Variants in KCNJ6 observed in about 807,000 individuals in gnomAD.
KCNJ6 encodes the protein G protein-activated inward rectifier potassium channel 2.
A neutral mutation model predicts 34.2 loss-of-function variants in KCNJ6; 9 were observed. That is an observed-to-expected ratio of 0.26 (90% confidence interval 0.16 to 0.46). The LOEUF is 0.46. Among genes scored for constraint, KCNJ6 ranks in the 20% least tolerant of loss-of-function variants. The pLI is 1.00. For synonymous variants in KCNJ6, 196 were observed against 207.1 expected, an observed-to-expected ratio of 0.95 and a Z score of 0.46; for missense variants, 236 against 531.3, an observed-to-expected ratio of 0.44 and a Z score of 5.46.
intron 3 of KCNJ6, among the ~76,000 whole-genome samples, chr21:37,705,180 T>G (rs2054713225): frequency 6.6e-6 from 1 of 152,174 alleles, no homozygotes; most frequent in African/African-American, 2.4e-5. Context: ...TGAACTCGAA[T>G]CAATAACCAC....
At chr21:37,642,613 G>GA (rs1189861424) in intron 3 of KCNJ6, among the ~76,000 whole-genome samples, 1 of 151,280 alleles carries the variant, frequency 6.6e-6, no homozygotes, top group African/African-American at 2.4e-5. Context: ...AGATAGGGGA[G>GA]AAGGCAAAAG....
At chr21:37,808,445 A>G (rs1462138253) in intron 2 of KCNJ6, among the ~76,000 whole-genome samples, 1 of 152,220 alleles carries the variant, frequency 6.6e-6, no homozygotes, top group Non-Finnish European at 1.5e-5. Context: ...CAAACATCCT[A>G]CCACCTCCTC....
chr21:37,896,563 G>A (rs1295764811), intron 1 of KCNJ6, among the ~76,000 whole-genome samples: 1 of 152,182 alleles, frequency 6.6e-6, no homozygotes, highest in Non-Finnish European at 1.5e-5. Context: ...GGCCGTGAAG[G>A]TGCAGAGGCC....
intron 2 of KCNJ6, among the ~76,000 whole-genome samples, chr21:37,799,754 G>A (rs2055260459): frequency 6.6e-6 from 1 of 152,132 alleles, no homozygotes; most frequent in Non-Finnish European, 1.5e-5. Flanking sequence ...AAGCCTCACT[G>A]ATTATCCTTG....
At chr21:37,803,660 C>T (rs1054368469) in intron 2 of KCNJ6, among the ~76,000 whole-genome samples, 1 of 152,212 alleles carries the variant, frequency 6.6e-6, no homozygotes, top group Admixed American at 6.5e-5. Context: ...CCCTGCCCCA[C>T]TGGGGTCCAT....
In KCNJ6 at chr21:37,657,693, G is replaced by A. The variant is rs576178468; in HGVS notation, c.947-32209C>T. The stretch of plus-strand genomic sequence containing the variant: ...CACTTTCTGGACTCAGTGAAAATCA[G>A]TCTTCTAATTTTGCCCATATCATTC... On this transcript the variant is annotated intron_variant, in intron 3 of 3. Transcript: ENST00000609713. Among the ~76,000 whole-genome samples, 25 of 152,290 alleles carry A rather than the reference G, an allele frequency of 1.6e-4. 1 individual carries two copies. The South Asian group carries it at 5.2e-3, about 32-fold the overall frequency.
At chr21:37,756,856 C>A in intron 2 of KCNJ6, among the ~76,000 whole-genome samples, 1 of 147,612 alleles carries the variant, frequency 6.8e-6, no homozygotes, top group South Asian at 2.2e-4. Context: ...TGAGCACTCT[C>A]TCACAGTGTG....
At chr21:37,838,442 A>G (rs1006287586) in intron 2 of KCNJ6, among the ~76,000 whole-genome samples, 2 of 152,248 alleles carry the variant, frequency 1.3e-5, no homozygotes, top group Admixed American at 1.3e-4. Flanking sequence ...AACTGTTAGC[A>G]TCATAACTTA....
At position 37,671,807 on chromosome 21, in the gene KCNJ6, G is replaced by A. The variant is rs187530172; in HGVS notation, c.946+42404C>T. Among the ~76,000 whole-genome samples the A allele has an allele frequency of 1.4e-3, 218 of 152,348 alleles. 1 individual carries two copies. The highest frequency in any genetic ancestry group is 3.9e-3 in the Admixed American group (59 of 15,306). On this transcript the variant is annotated intron_variant, in intron 3 of 3. Transcript: ENST00000609713. Reference sequence around the variant, plus strand: ...ACCCCAACAGCCCTCTGGAGTCATGGAAGTGTTATCTGTTGTAAGAGTATA... The same window carrying A: ...ACCCCAACAGCCCTCTGGAGTCATGAAAGTGTTATCTGTTGTAAGAGTATA...
At chr21:37,741,054 G>A (rs1601447935) in intron 2 of KCNJ6, among the ~76,000 whole-genome samples, 4 of 152,186 alleles carry the variant, frequency 2.6e-5, no homozygotes, top group Admixed American at 2.6e-4. Context: ...TGTGGATGAA[G>A]CGCTCCCTAT....
chr21:37,904,796 G>T (rs555655811), intron 1 of KCNJ6, among the ~76,000 whole-genome samples: 2 of 152,154 alleles, frequency 1.3e-5, no homozygotes, highest in Non-Finnish European at 2.9e-5. Flanking sequence ...AGAAAAAAAG[G>T]AGTCTTGTCT....
intron 2 of KCNJ6, among the ~76,000 whole-genome samples, chr21:37,804,850 T>C (rs1317208653): frequency 2.0e-5 from 3 of 152,194 alleles, no homozygotes; most frequent in African/African-American, 7.2e-5. Flanking sequence ...TCTATGTCTT[T>C]ACTATAGTGA....
chr21:37,726,015 C>T (rs2054852627), intron 2 of KCNJ6, among the ~76,000 whole-genome samples: 1 of 152,194 alleles, frequency 6.6e-6, no homozygotes, highest in African/African-American at 2.4e-5. Flanking sequence ...AAGCAATTCT[C>T]CTGCTTCAGC....
At chr21:37,864,925 G>C (rs1424648116) in intron 1 of KCNJ6, among the ~76,000 whole-genome samples, 1 of 147,438 alleles carries the variant, frequency 6.8e-6, no homozygotes, top group African/African-American at 2.5e-5. Context: ...GGCTGGTCTT[G>C]AAATTTGGGG....
At position 37,614,208 on chromosome 21, in the gene KCNJ6, G is replaced by T. The variant is rs1451196823; in HGVS notation, c.*10951C>A. On this transcript the variant is annotated 3_prime_UTR_variant, in exon 4 of 4. Coordinates refer to ENST00000609713, the MANE Select transcript of KCNJ6 (RefSeq NM_002240.5). Reference sequence around the variant, plus strand: ...CCAGGGTTCCTACCAAACACTGGAAGAAAGGCTGTTGCCTGCAGGTTCAGG... The same window carrying T: ...CCAGGGTTCCTACCAAACACTGGAATAAAGGCTGTTGCCTGCAGGTTCAGG... The T allele has an allele frequency of 6.6e-6, 1 of 152,240 alleles. No individual in the cohort carries two copies. Among genetic ancestry groups the T allele is most frequent in the African/African-American group, 2.4e-5 (1 of 41,458 alleles). The allele number at this position is 152,240 out of a possible 1,614,324, so 9.4% of individuals were successfully genotyped here.
chr21:37,910,301 G>A (rs1020601484), intron 1 of KCNJ6, among the ~76,000 whole-genome samples: 2 of 152,046 alleles, frequency 1.3e-5, no homozygotes, highest in South Asian at 4.1e-4. Flanking sequence ...TCTTAATCAC[G>A]GAGCAACACC....
chr21:37,727,458 C>CAT (rs1556026068), intron 2 of KCNJ6, among the ~76,000 whole-genome samples: 25 of 148,136 alleles, frequency 1.7e-4, no homozygotes, highest in Admixed American at 4.0e-4. Context: ...TGAGGACTCA[C>CAT]GTGTGTGTGT....
chr21:37,746,321 T>C (rs2835922), intron 2 of KCNJ6, among the ~76,000 whole-genome samples: 21,672 of 152,124 alleles, frequency 0.14, 2,028 homozygotes, highest in African/African-American at 0.27. Context: ...GGCCCAGGGA[T>C]AATCCAGATC....
At chr21:37,869,107 G>C (rs1241561509) in intron 1 of KCNJ6, among the ~76,000 whole-genome samples, 1 of 152,236 alleles carries the variant, frequency 6.6e-6, no homozygotes, top group African/African-American at 2.4e-5. Context: ...ATCGAAGCAG[G>C]CTGTGAGTGG....
Sources: allele counts gnomAD v4.1 joint callset (sites outside exome capture counted in the v4.1 genomes callset), GRCh38; gene constraint gnomAD v4.1.1; transcripts MANE v1.5; gene names NCBI Gene and HGNC (gene_info 2026-07-23, HGNC 2026-07-21).